TNPO3: variants seen among roughly 807,000 people sequenced by gnomAD.
TNPO3 encodes transportin-3.
In TNPO3, 65 loss-of-function variants were observed where a neutral mutation model predicts 122.8. The observed-to-expected ratio is 0.53, with a 90% CI of 0.43 to 0.65. The LOEUF is 0.65. TNPO3 is among the 30% of genes least tolerant of loss of function. The pLI is 0.00. For synonymous variants in TNPO3, 372 were observed against 411.2 expected, an observed-to-expected ratio of 0.90 and a Z score of 1.15; for missense variants, 850 against 1,136.7, an observed-to-expected ratio of 0.75 and a Z score of 3.63.
chr7:129,017,128 G>T, intron 2 of TNPO3, 72 bp from the exon 3 acceptor site: 1 of 1,385,092 alleles, frequency 7.2e-7, no homozygotes, highest in Non-Finnish European at 1.0e-6. Context: ...TAATTGGGAA[G>T]CAAAGAAACA....
At chr7:128,982,852 G>T (rs1799765421) in intron 13 of TNPO3, among the ~76,000 whole-genome samples, 1 of 152,130 alleles carries the variant, frequency 6.6e-6, no homozygotes, top group Non-Finnish European at 1.5e-5. Context: ...AATCCCATTG[G>T]TATGTCTAAA....
intron 10 of TNPO3, 148 bp from the exon 11 acceptor site, chr7:128,990,248 AT>A (rs759828974): frequency 2.3e-6 from 2 of 884,930 alleles, no homozygotes; most frequent in Non-Finnish European, 3.7e-6. Context: ...GTTATGAAAG[AT>A]TTTCAAATCT....
At chr7:129,034,184 G>T (rs934272568) in intron 1 of TNPO3, among the ~76,000 whole-genome samples, 12 of 152,304 alleles carry the variant, frequency 7.9e-5, no homozygotes, top group African/African-American at 2.4e-4. Flanking sequence ...AATACTGAAT[G>T]ATTCTAACTT....
At chr7:128,957,450 C>T in intron 21 of TNPO3, 135 bp from the exon 22 acceptor site, 1 of 849,182 alleles carries the variant, frequency 1.2e-6, no homozygotes, top group Non-Finnish European at 1.9e-6. Context: ...CCTGAGCGAT[C>T]CTGGCTTCAG....
chr7:128,979,253 T>C (rs1799392648), intron 15 of TNPO3, 130 bp from the exon 16 acceptor site: 2 of 1,082,102 alleles, frequency 1.8e-6, no homozygotes, highest in South Asian at 3.2e-5. Context: ...GGAACACACA[T>C]GGCCAGCATG....
intron 5 of TNPO3, among the ~76,000 whole-genome samples, chr7:129,002,848 C>T (rs575235138): frequency 2.7e-4 from 41 of 151,512 alleles, no homozygotes; most frequent in African/African-American, 8.2e-4. Context: ...GTCAGGAGAT[C>T]GAGACCACGG....
intron 3 of TNPO3, among the ~76,000 whole-genome samples, chr7:129,016,353 C>T (rs1009465079): frequency 6.6e-6 from 1 of 152,080 alleles, no homozygotes; most frequent in Admixed American, 6.5e-5. Context: ...AAGATCGCAC[C>T]GTTGAACTCC....
At chr7:129,045,586 C>T (rs1314184009) in intron 1 of TNPO3, among the ~76,000 whole-genome samples, 1 of 151,738 alleles carries the variant, frequency 6.6e-6, no homozygotes, top group Non-Finnish European at 1.5e-5. Context: ...TTTCCATTTC[C>T]TCCATAAACA....
At chr7:129,024,278 T>C (rs927183080) in intron 1 of TNPO3, among the ~76,000 whole-genome samples, 1 of 152,062 alleles carries the variant, frequency 6.6e-6, no homozygotes, top group Non-Finnish European at 1.5e-5. Flanking sequence ...CCGAACTGAA[T>C]CCAGGCTTCC....
intron 4 of TNPO3, among the ~76,000 whole-genome samples, chr7:129,013,842 T>G (rs551481915): frequency 6.6e-6 from 1 of 152,204 alleles, no homozygotes; most frequent in South Asian, 2.1e-4. Context: ...CTGTTAGACA[T>G]TATGTTAAGT....
At chr7:129,038,314 G>T (rs1351227824) in intron 1 of TNPO3, among the ~76,000 whole-genome samples, 1 of 151,746 alleles carries the variant, frequency 6.6e-6, no homozygotes, top group Non-Finnish European at 1.5e-5. Context: ...TTTAAAAATG[G>T]ACAAAGCAAA....
chr7:129,035,085 T>A (rs1584587636), intron 1 of TNPO3, among the ~76,000 whole-genome samples: 1 of 150,232 alleles, frequency 6.7e-6, no homozygotes, highest in Admixed American at 6.6e-5. Context: ...CCATCCTGGC[T>A]AACATGGTGA....
At chr7:129,016,320 G>C (rs530559465) in intron 3 of TNPO3, among the ~76,000 whole-genome samples, 29 of 152,204 alleles carry the variant, frequency 1.9e-4, no homozygotes, top group Middle Eastern at 6.8e-3. Context: ...CCTGAACCCA[G>C]GAGGTGGAGG....
chr7:129,026,591 C>T (rs552717362), intron 1 of TNPO3, among the ~76,000 whole-genome samples: 327 of 151,510 alleles, frequency 2.2e-3, no homozygotes, highest in Non-Finnish European at 2.2e-3. Flanking sequence ...TTAGTAGAGA[C>T]AGCGTTTCAC....
At chr7:128,963,964 A>G (rs1311285841) in intron 21 of TNPO3, among the ~76,000 whole-genome samples, 3 of 152,200 alleles carry the variant, frequency 2.0e-5, no homozygotes, top group Non-Finnish European at 2.9e-5. Flanking sequence ...TATCTTTCTG[A>G]AAACTTACTG....
At position 128,993,886 on chromosome 7, in the gene TNPO3, A is replaced by G. The variant is rs1485847226; in HGVS notation, c.1187T>C (p.Phe396Ser). 1.2e-6 allele frequency: 2 copies of G among 1,614,074 alleles called. No individual in the cohort carries two copies. The highest frequency in any genetic ancestry group is 1.7e-5 in the Admixed American group (1 of 60,016). ...HEGVPEETDD[F>S]GEFRMRVSDL... ...TGATACCCTCATGCGAAACTCCCCAAAGTCATCAGTCTCCTCAGGAACCCC... is the reference window on the plus strand; with the variant it reads ...TGATACCCTCATGCGAAACTCCCCAGAGTCATCAGTCTCCTCAGGAACCCC... Residue 396 changes from phenylalanine (F) to serine (S), a missense_variant, in exon 9 of 23, where the codon TTT becomes TCT. Physicochemically the swap from Phe to Ser is radical, Grantham distance 155. Transcript: ENST00000265388.
intron 7 of TNPO3, 112 bp from the exon 8 acceptor site, chr7:128,997,647 G>A: frequency 1.1e-6 from 1 of 938,786 alleles, no homozygotes; most frequent in South Asian, 1.8e-5. Flanking sequence ...AATAATATGA[G>A]TGGAGCCAGT....
intron 4 of TNPO3, among the ~76,000 whole-genome samples, chr7:129,013,211 C>T (rs1215852952): frequency 3.3e-5 from 5 of 152,042 alleles, no homozygotes; most frequent in Non-Finnish European, 5.9e-5. Context: ...TAGGGAAATG[C>T]TGCAGGACAT....
chr7:128,994,311 C>G (rs993031642), intron 8 of TNPO3, among the ~76,000 whole-genome samples: 3 of 152,216 alleles, frequency 2.0e-5, no homozygotes, highest in South Asian at 2.1e-4. Context: ...ACACACGCCA[C>G]CACACCCGAC....
Sources: gnomAD v4.1 joint callset for allele counts (sites outside exome capture counted in the v4.1 genomes callset) on GRCh38, gnomAD v4.1.1 for gene constraint, MANE v1.5 for transcripts, NCBI Gene and HGNC (gene_info 2026-07-23, HGNC 2026-07-21) for gene names.